The following DPP6 variants were observed in gnomAD, a reference collection of about 807,000 sequenced individuals.
The protein encoded by DPP6 is A-type potassium channel modulatory protein DPP6.
A neutral mutation model predicts 122.6 loss-of-function variants in DPP6; 69 were observed. That is an observed-to-expected ratio of 0.56 (90% CI 0.46 to 0.69). The LOEUF (loss-of-function observed/expected upper bound fraction) is 0.69. Ranked by LOEUF, DPP6 falls within the 30% of genes least tolerant of loss-of-function variation. DPP6 has a pLI of 0.00. For missense variants in DPP6, 928 were observed against 1,116.9 expected, an observed-to-expected ratio of 0.83 and a Z score of 2.41; for synonymous variants, 418 against 433.1, an observed-to-expected ratio of 0.97 and a Z score of 0.43.
At chr7:153,860,424 G>A in the DPP6 span, among the ~76,000 whole-genome samples, 1 of 152,080 alleles carries the variant, frequency 6.6e-6, no homozygotes, top group African/African-American at 2.4e-5. Context: ...AGGATGGAAG[G>A]GAAGTGAGGC....
chr7:154,368,434 A>G (rs1294202847), intron 1 of DPP6, among the ~76,000 whole-genome samples: 2 of 152,132 alleles, frequency 1.3e-5, no homozygotes, highest in African/African-American at 2.4e-5. Flanking sequence ...TCAGCAATCT[A>G]TGTTTTAACC....
chr7:154,531,171 A>G (rs1827811641), intron 3 of DPP6, among the ~76,000 whole-genome samples: 1 of 152,184 alleles, frequency 6.6e-6, no homozygotes, highest in Non-Finnish European at 1.5e-5. Flanking sequence ...CTGCACATGT[A>G]CCCCAGAATT....
chr7:154,575,390 G>A (rs1831538144), intron 5 of DPP6, among the ~76,000 whole-genome samples: 1 of 116,014 alleles, frequency 8.6e-6, no homozygotes, highest in Non-Finnish European at 1.7e-5. Context: ...TGTGATGTGT[G>A]TGTAGTGTGT....
At position 154,459,974 on chromosome 7, in the gene DPP6, C is replaced by CTTTTTTT. The variant is rs71184004; in HGVS notation, c.358+13665_358+13671dup. On this transcript the variant is annotated intron_variant, in intron 2 of 25. Coordinates refer to ENST00000377770, the MANE Select transcript of DPP6 (RefSeq NM_130797.4). ...AAGTCTTCTGATATTTATTCATGTG[C>CTTTTTTT]TTTTTTTTTTTTTTTTTTTTTTTTT... Among the ~76,000 whole-genome samples the CTTTTTTT allele has an allele frequency of 4.3e-4, 25 of 58,588 alleles. 1 individual carries two copies. Among genetic ancestry groups the CTTTTTTT allele is most frequent in the African/African-American group, 1.3e-3 (17 of 13,492 alleles). 38.4% of individuals were successfully genotyped at this position (58,588 alleles called of 152,430 possible). A position where few individuals can be genotyped will look rare whatever the true frequency, so the allele number is the denominator to read the frequency against.
At chr7:154,851,872 A>C (rs1365618028) in intron 16 of DPP6, among the ~76,000 whole-genome samples, 1 of 152,138 alleles carries the variant, frequency 6.6e-6, no homozygotes, top group East Asian at 1.9e-4. Flanking sequence ...CACGTTGGGG[A>C]AAAGGGCCCT....
In DPP6 at chr7:154,663,252, C is replaced by T. The variant is rs1221519180; in HGVS notation, c.681-6108C>T. ...ATATAGTCATGGTGAATCACCATGG[C>T]GTATTGGCCGTAGTGTTCATATAGT... On this transcript the variant is annotated intron_variant, in intron 6 of 25. Transcript: ENST00000377770. Among the ~76,000 whole-genome samples the T allele has an allele frequency of 4.8e-5, 3 of 62,346 alleles. 1 individual carries two copies. Among genetic ancestry groups the T allele is most frequent in the East Asian group, 1.1e-3 (2 of 1,780 alleles). 40.9% of individuals were successfully genotyped at this position (62,346 alleles called of 152,430 possible).
At chr7:154,395,764 C>T (rs1018114085) in intron 1 of DPP6, among the ~76,000 whole-genome samples, 2 of 151,410 alleles carry the variant, frequency 1.3e-5, no homozygotes, top group Admixed American at 6.6e-5. Context: ...TCTAATTGTT[C>T]TGGCTAGAAC....
At chr7:154,463,397 C>T (rs555178736) in intron 2 of DPP6, among the ~76,000 whole-genome samples, 9 of 151,772 alleles carry the variant, frequency 5.9e-5, no homozygotes, top group South Asian at 2.1e-4. Context: ...TTAGTAGAGA[C>T]GGGGTTTCAC....
intron 16 of DPP6, among the ~76,000 whole-genome samples, chr7:154,822,478 C>G (rs1799858143): frequency 6.6e-6 from 1 of 152,166 alleles, no homozygotes; most frequent in African/African-American, 2.4e-5. Flanking sequence ...CCCCCTAACA[C>G]TGTCACCTTG....
chr7:154,130,066 G>T (rs1251271401), intron 1 of DPP6, among the ~76,000 whole-genome samples: 1 of 151,760 alleles, frequency 6.6e-6, no homozygotes, highest in Non-Finnish European at 1.5e-5. Flanking sequence ...TCCAGTCTGG[G>T]TGGCAGAGTA....
chr7:154,017,031 A>C (rs1393840645), intron 1 of DPP6, among the ~76,000 whole-genome samples: 9 of 152,236 alleles, frequency 5.9e-5, no homozygotes, highest in African/African-American at 2.2e-4. Flanking sequence ...AGGAATAAGT[A>C]ATAGTGTTCC....
chr7:154,167,675 G>A (rs1478293765), intron 1 of DPP6, among the ~76,000 whole-genome samples: 1 of 152,196 alleles, frequency 6.6e-6, no homozygotes, highest in Non-Finnish European at 1.5e-5. Flanking sequence ...GGGGCATTTT[G>A]AGCCCGACAT....
rs1216861163 is a variant in DPP6 at position 154,060,366 on chromosome 7, C to T, written c.243+7303C>T. On this transcript the variant is annotated intron_variant, in intron 1 of 25. Coordinates refer to ENST00000377770, the MANE Select transcript of DPP6 (RefSeq NM_130797.4). ...CCCCCGCGAGGCAGGGACTGAGAGCCAGCCCCTGGTTCCCCCACTGGCTCT... is the reference window on the plus strand; with the variant it reads ...CCCCCGCGAGGCAGGGACTGAGAGCTAGCCCCTGGTTCCCCCACTGGCTCT... Among the ~76,000 whole-genome samples, 12 of 117,234 alleles carry T rather than the reference C, an allele frequency of 1.0e-4. 2 individuals carry two copies. The highest frequency in any genetic ancestry group is 2.8e-4 in the South Asian group (1 of 3,536). 76.9% of individuals were successfully genotyped at this position (117,234 alleles called of 152,430 possible).
intron 7 of DPP6, among the ~76,000 whole-genome samples, chr7:154,694,831 G>A (rs985813083): frequency 2.6e-5 from 4 of 152,094 alleles, no homozygotes; most frequent in African/African-American, 4.8e-5. Flanking sequence ...CCGGGTAAGC[G>A]GGATGGTTGC....
intron 1 of DPP6, among the ~76,000 whole-genome samples, chr7:154,041,362 G>A (rs927436255): frequency 2.6e-5 from 4 of 152,214 alleles, no homozygotes; most frequent in Non-Finnish European, 4.4e-5. Context: ...TAGATTGTGA[G>A]CTACAGGCGG....
At chr7:154,446,072 C>G (rs1480253340) in intron 1 of DPP6, 142 bp from the exon 2 acceptor site, 1 of 576,498 alleles carries the variant, frequency 1.7e-6, no homozygotes, top group Non-Finnish European at 3.0e-6. Context: ...CAAAAGGGAA[C>G]TAATAGTAGC....
chr7:154,060,074 T>G (rs1563148298), intron 1 of DPP6, among the ~76,000 whole-genome samples: 1 of 149,278 alleles, frequency 6.7e-6, no homozygotes, highest in African/African-American at 2.5e-5. Context: ...CCCCTGGCTC[T>G]TGGGACCACC....
At chr7:154,683,806 C>A (rs921955754) in intron 7 of DPP6, among the ~76,000 whole-genome samples, 1 of 152,168 alleles carries the variant, frequency 6.6e-6, no homozygotes, top group African/African-American at 2.4e-5. Context: ...GCAAATGTCC[C>A]AGACCACCTC....
At chr7:153,910,435 C>T (rs1412835471) in intron 1 of DPP6, among the ~76,000 whole-genome samples, 1 of 152,036 alleles carries the variant, frequency 6.6e-6, no homozygotes, top group Non-Finnish European at 1.5e-5. Flanking sequence ...GTCACCCTTC[C>T]CTCCATCTCA....
Sources: allele counts gnomAD v4.1 joint callset (sites outside exome capture counted in the v4.1 genomes callset), GRCh38; gene constraint gnomAD v4.1.1; transcripts MANE v1.5; gene names NCBI Gene and HGNC (gene_info 2026-07-23, HGNC 2026-07-21).